Variants in CTNNBL1 observed in about 807,000 individuals in gnomAD.
CTNNBL1 encodes catenin beta like 1.
A neutral mutation model predicts 72.7 loss-of-function variants in CTNNBL1; 31 were observed. The observed-to-expected ratio is 0.43, with a 90% CI of 0.32 to 0.58. The LOEUF is 0.58. CTNNBL1 is among the 20% of genes least tolerant of loss of function. The pLI is 0.08. For synonymous variants in CTNNBL1, 240 were observed against 267.3 expected (o/e 0.90, Z 1.00); for missense variants, 534 against 725.1 (o/e 0.74, Z 3.03).
intron 7 of CTNNBL1, among the ~76,000 whole-genome samples, chr20:37,771,178 G>T (rs6013029): frequency 0.11 from 17,319 of 152,160 alleles, 1,700 homozygotes; most frequent in African/African-American, 0.27. Flanking sequence ...ATTGTAAAGA[G>T]GTTATAGCAG....
At chr20:37,696,381 G>A (rs1202174004) in intron 1 of CTNNBL1, among the ~76,000 whole-genome samples, 1 of 149,258 alleles carries the variant, frequency 6.7e-6, no homozygotes, top group Admixed American at 6.7e-5. Flanking sequence ...TCTGCTACAT[G>A]TGCAAAATAC....
chr20:37,711,346 C>T (rs1294721077), intron 1 of CTNNBL1, among the ~76,000 whole-genome samples: 2 of 151,736 alleles, frequency 1.3e-5, no homozygotes, highest in African/African-American at 4.8e-5. Context: ...GTGAGACAAT[C>T]CAGATTTTGG....
chr20:37,801,354 G>A (rs918747964), intron 10 of CTNNBL1, among the ~76,000 whole-genome samples: 27 of 151,998 alleles, frequency 1.8e-4, no homozygotes, highest in African/African-American at 5.8e-4. Context: ...TATTGGTTTG[G>A]TTGGTTTATT....
chr20:37,812,460 A>G (rs753103204), intron 11 of CTNNBL1, among the ~76,000 whole-genome samples: 19 of 152,222 alleles, frequency 1.2e-4, no homozygotes, highest in Non-Finnish European at 2.4e-4. Context: ...TCATGATGGC[A>G]TATTACCCTG....
At chr20:37,742,020 C>G (rs1485635343) in intron 3 of CTNNBL1, among the ~76,000 whole-genome samples, 2 of 151,994 alleles carry the variant, frequency 1.3e-5, no homozygotes, top group Non-Finnish European at 2.9e-5. Flanking sequence ...TATTAACTAT[C>G]CCAGTGAGAA....
At chr20:37,837,278 A>G (rs773062611) in intron 11 of CTNNBL1, among the ~76,000 whole-genome samples, 19 of 152,004 alleles carry the variant, frequency 1.2e-4, no homozygotes, top group Non-Finnish European at 2.4e-4. Context: ...CTGTGAAGGC[A>G]GGGCCCGTTC....
intron 11 of CTNNBL1, among the ~76,000 whole-genome samples, chr20:37,820,635 A>C (rs1406685835): frequency 6.6e-6 from 1 of 152,118 alleles, no homozygotes; most frequent in Non-Finnish European, 1.5e-5. Flanking sequence ...CACGAAATCC[A>C]ATGGTTTAAA....
At chr20:37,747,378 CAAAAAAAAAAAA>C (rs11476313) in intron 4 of CTNNBL1, among the ~76,000 whole-genome samples, 3 of 42,928 alleles carry the variant, frequency 7.0e-5, no homozygotes, top group Non-Finnish European at 1.3e-4. Flanking sequence ...GACTCCATCT[CAAAAAAAAAAAA>C]AAAAAAAAAA....
intron 3 of CTNNBL1, among the ~76,000 whole-genome samples, chr20:37,743,106 G>A (rs895517994): frequency 2.0e-5 from 3 of 151,054 alleles, no homozygotes; most frequent in African/African-American, 7.3e-5. Flanking sequence ...GTTCGCTGTC[G>A]ATCACCCAAA....
intron 1 of CTNNBL1, among the ~76,000 whole-genome samples, chr20:37,711,140 G>A (rs1172724083): frequency 6.6e-6 from 1 of 152,198 alleles, no homozygotes; most frequent in Non-Finnish European, 1.5e-5. Context: ...TGATCCTCCT[G>A]TGAAAGGACA....
intron 10 of CTNNBL1, among the ~76,000 whole-genome samples, chr20:37,798,885 C>A (rs1407883170): frequency 6.6e-6 from 1 of 152,144 alleles, no homozygotes; most frequent in African/African-American, 2.4e-5. Context: ...GATATTATAT[C>A]TCAATGTCCT....
intron 1 of CTNNBL1, among the ~76,000 whole-genome samples, chr20:37,714,994 C>T (rs1297935751): frequency 6.6e-6 from 1 of 152,162 alleles, no homozygotes; most frequent in Non-Finnish European, 1.5e-5. Flanking sequence ...ACCTCACCCC[C>T]CCGTTCACGT....
chr20:37,810,850 C>A (rs1421642405), intron 11 of CTNNBL1, among the ~76,000 whole-genome samples: 1 of 152,198 alleles, frequency 6.6e-6, no homozygotes, highest in Non-Finnish European at 1.5e-5. Flanking sequence ...CTGGTTCTGT[C>A]ATTTACCAGC....
intron 10 of CTNNBL1, among the ~76,000 whole-genome samples, chr20:37,796,320 C>G (rs1600493317): frequency 6.6e-6 from 1 of 152,156 alleles, no homozygotes; most frequent in East Asian, 1.9e-4. Context: ...CTGCATTGCT[C>G]TGCCGGACTC....
intron 10 of CTNNBL1, among the ~76,000 whole-genome samples, chr20:37,789,344 A>G (rs1364348496): frequency 6.6e-6 from 1 of 152,150 alleles, no homozygotes; most frequent in Non-Finnish European, 1.5e-5. Context: ...GGATGTTTGG[A>G]TGGTCTTTGG....
intron 3 of CTNNBL1, among the ~76,000 whole-genome samples, 178 bp downstream of exon 3, chr20:37,737,662 G>A (rs1228298831): frequency 6.6e-6 from 1 of 152,200 alleles, no homozygotes; most frequent in Admixed American, 6.5e-5. Context: ...ACTCAGGGCT[G>A]TGGTTTATTA....
intron 3 of CTNNBL1, among the ~76,000 whole-genome samples, chr20:37,745,280 ATGAGTCC>A (rs2073253055): frequency 1.3e-5 from 2 of 152,176 alleles, no homozygotes; most frequent in South Asian, 4.1e-4. Flanking sequence ...CTGGAAGTTG[ATGAGTCC>A]TGTGTGACTT....
chr20:37,823,679 G>A (rs1482730870), intron 11 of CTNNBL1, among the ~76,000 whole-genome samples: 1 of 152,234 alleles, frequency 6.6e-6, no homozygotes, highest in East Asian at 1.9e-4. Context: ...GTCTAAAGCA[G>A]GCATCCAGGG....
At chr20:37,820,883 A>G (rs138234391) in intron 11 of CTNNBL1, among the ~76,000 whole-genome samples, 3 of 152,334 alleles carry the variant, frequency 2.0e-5, no homozygotes, top group Middle Eastern at 3.4e-3. Flanking sequence ...GCTGTAAAGT[A>G]TGAATAAGAT....
Sources: gnomAD v4.1 joint callset for allele counts (sites outside exome capture counted in the v4.1 genomes callset) on GRCh38, gnomAD v4.1.1 for gene constraint, MANE v1.5 for transcripts, NCBI Gene and HGNC (gene_info 2026-07-23, HGNC 2026-07-21) for gene names.